USP37: variants seen among roughly 807,000 people sequenced by gnomAD.
USP37 encodes ubiquitin carboxyl-terminal hydrolase 37.
USP37 carries 27 observed loss-of-function variants against 124.0 expected under a neutral mutation model. The observed-to-expected ratio is 0.22, with a 90% CI of 0.16 to 0.30. USP37 has a LOEUF of 0.30. Ranked by LOEUF, USP37 falls within the 10% of genes least tolerant of loss-of-function variation. The pLI is 1.00. For missense variants in USP37, 889 were observed against 1,140.4 expected, an observed-to-expected ratio of 0.78 and a Z score of 3.17; for synonymous variants, 365 against 388.0, an observed-to-expected ratio of 0.94 and a Z score of 0.70.
intron 17 of USP37, among the ~76,000 whole-genome samples, chr2:218,481,687 T>C (rs1408903091): frequency 6.7e-6 from 1 of 149,776 alleles, no homozygotes; most frequent in East Asian, 1.9e-4. Context: ...TCTTTTCTTT[T>C]TTTTTTTTTT....
intron 14 of USP37, among the ~76,000 whole-genome samples, chr2:218,491,454 C>T (rs982375744): frequency 2.0e-5 from 3 of 152,186 alleles, no homozygotes; most frequent in Non-Finnish European, 4.4e-5. Context: ...GATGAGAGCA[C>T]AGGCAGTAAT....
At chr2:218,542,192 T>C (rs1002261353) in intron 8 of USP37, among the ~76,000 whole-genome samples, 1 of 152,218 alleles carries the variant, frequency 6.6e-6, no homozygotes, top group African/African-American at 2.4e-5. Context: ...TTGTCTCCTC[T>C]ATAAGCACTG....
intron 1 of USP37, among the ~76,000 whole-genome samples, chr2:218,565,786 C>T (rs565103817): frequency 1.3e-5 from 2 of 152,264 alleles, no homozygotes; most frequent in Non-Finnish European, 1.5e-5. Context: ...CAGTGGCTCA[C>T]ACCTGTAATC....
At chr2:218,463,590 C>T (rs1312232710) in intron 21 of USP37, among the ~76,000 whole-genome samples, 1 of 136,030 alleles carries the variant, frequency 7.4e-6, no homozygotes, top group Non-Finnish European at 1.5e-5. Context: ...GGCTGGAGTG[C>T]AGTGGTGTGA....
At chr2:218,455,130 T>C in intron 25 of USP37, 113 bp from the exon 26 acceptor site, 2 of 1,215,168 alleles carry the variant, frequency 1.6e-6, no homozygotes, top group Non-Finnish European at 2.3e-6. Context: ...CACAATTCCA[T>C]TTCATGCCTG....
intron 20 of USP37, among the ~76,000 whole-genome samples, chr2:218,474,383 A>G (rs1227080469): frequency 1.3e-5 from 2 of 152,092 alleles, no homozygotes; most frequent in African/African-American, 4.8e-5. Flanking sequence ...TTTATCTGAG[A>G]AGGAGTCTCA....
At chr2:218,500,032 G>C (rs1689287978) in intron 11 of USP37, among the ~76,000 whole-genome samples, 1 of 152,082 alleles carries the variant, frequency 6.6e-6, no homozygotes. Flanking sequence ...GCCTCCCAAA[G>C]TGTTGGGATT....
chr2:218,498,045 G>A lies in USP37; in HGVS notation c.1138C>T (p.Pro380Ser). The change falls in exon 12 of 26, where the codon CCA (proline) becomes TCA (serine). Residue 380 changes from proline (P) to serine (S), a missense_variant. Physicochemically the swap from Pro to Ser is moderately conservative, Grantham distance 74. Around this residue, in one of 3 missense-constraint regions of USP37, gnomAD observed 504 missense variants for 714.3 expected, o/e 0.71. Coordinates refer to ENST00000258399, the MANE Select transcript of USP37 (RefSeq NM_020935.3). Reference sequence around the variant, plus strand: ...GATTACCTGATAAGTGCATTGAGTGGAATTTTCTTCCATGGGATACCTTGT... The same window carrying A: ...GATTACCTGATAAGTGCATTGAGTGAAATTTTCTTCCATGGGATACCTTGT... ...LKQGIPWKKI[P>S]LNALIRRFAH... is the part of the protein sequence containing the mutation. The A allele has an allele frequency of 6.2e-7, 1 of 1,609,698 alleles. No individual in the cohort carries two copies.
chr2:218,486,721 T>G (rs1226723893), intron 15 of USP37, among the ~76,000 whole-genome samples: 4 of 151,828 alleles, frequency 2.6e-5, no homozygotes, highest in African/African-American at 9.7e-5. Flanking sequence ...CCCAGCCAGA[T>G]TTTTTATTTT....
chr2:218,544,826 AC>A (rs1692233597), intron 8 of USP37, among the ~76,000 whole-genome samples: 2 of 152,200 alleles, frequency 1.3e-5, no homozygotes, highest in African/African-American at 4.8e-5. Flanking sequence ...AGAAATTTTT[AC>A]TGTGATTATT....
intron 5 of USP37, among the ~76,000 whole-genome samples, chr2:218,552,092 T>TCC (rs753908251): frequency 2.0e-5 from 3 of 152,126 alleles, no homozygotes; most frequent in Non-Finnish European, 4.4e-5. Context: ...GTGCCTGGCC[T>TCC]CAATTTCTTG....
At chr2:218,519,194 A>T (rs548675506) in intron 10 of USP37, among the ~76,000 whole-genome samples, 1 of 152,374 alleles carries the variant, frequency 6.6e-6, no homozygotes, top group East Asian at 1.9e-4. Flanking sequence ...GAAAAAATGT[A>T]CATCTAAGAA....
intron 22 of USP37, among the ~76,000 whole-genome samples, chr2:218,461,542 T>C (rs764766756): frequency 6.7e-6 from 1 of 150,196 alleles, no homozygotes; most frequent in Non-Finnish European, 1.5e-5. Context: ...AATCTAAGAA[T>C]GTGAAGAACA....
chr2:218,471,687 C>A (rs775285332), intron 20 of USP37, among the ~76,000 whole-genome samples: 1 of 152,098 alleles, frequency 6.6e-6, no homozygotes, highest in Non-Finnish European at 1.5e-5. Context: ...AACATGTCTC[C>A]CTTGATTTTT....
At chr2:218,490,504 A>G (rs1691870327) in intron 14 of USP37, among the ~76,000 whole-genome samples, 1 of 152,220 alleles carries the variant, frequency 6.6e-6, no homozygotes, top group Non-Finnish European at 1.5e-5. Context: ...TTTCTTTTAA[A>G]TAGCTTTAGC....
intron 20 of USP37, among the ~76,000 whole-genome samples, chr2:218,469,814 CTTTTTTTTTTTTTT>C (rs71064451): frequency 1.5e-5 from 1 of 64,646 alleles, no homozygotes; most frequent in Non-Finnish European, 2.8e-5. Context: ...ACTCAACATT[CTTTTTTTTTTTTTT>C]TTTTTTTTTT....
rs1689507879 is a variant in USP37, at chr2:218,452,343, G to C, written c.*2587C>G. The C allele has an allele frequency of 6.6e-6, 1 of 151,866 alleles. No individual in the cohort carries two copies. Among genetic ancestry groups the C allele is most frequent in the Non-Finnish European group, 1.5e-5 (1 of 67,988 alleles). 9.4% of individuals were successfully genotyped at this position (151,866 alleles called of 1,614,324 possible). A position where few individuals can be genotyped will look rare whatever the true frequency, so the allele number is the denominator to read the frequency against. On this transcript the variant is annotated 3_prime_UTR_variant, in exon 26 of 26. Transcript: ENST00000258399. ...TGCTAACTGCCCCATCCCCAATTCT[G>C]GGCAAACTGATCACAATGTGCAAAA... is the stretch of plus-strand genomic sequence containing the variant.
intron 1 of USP37, among the ~76,000 whole-genome samples, chr2:218,563,782 G>C (rs567947436): frequency 6.6e-6 from 1 of 152,132 alleles, no homozygotes; most frequent in East Asian, 1.9e-4. Flanking sequence ...GGCCAGGCAC[G>C]GTGGCTCACA....
At chr2:218,495,686 G>A (rs1689046483) in intron 14 of USP37, 74 bp downstream of exon 14, 2 of 1,441,222 alleles carry the variant, frequency 1.4e-6, no homozygotes, top group South Asian at 1.4e-5. Context: ...ATGGCATTTG[G>A]TATGTCATAG....
Sources: gnomAD v4.1 joint callset for allele counts (sites outside exome capture counted in the v4.1 genomes callset) on GRCh38, gnomAD v4.1.1 for gene constraint, gnomAD v4.1.1 regional missense constraint, MANE v1.5 for transcripts, NCBI Gene and HGNC (gene_info 2026-07-23, HGNC 2026-07-21) for gene names.